Variants in IL7 observed in about 807,000 individuals in gnomAD.
IL7 encodes the protein interleukin-7.
In IL7, 3 loss-of-function variants were observed where a neutral mutation model predicts 21.6. The ratio of observed to expected loss-of-function variants is 0.14; its 90% CI spans 0.06 to 0.36. The LOEUF (loss-of-function observed/expected upper bound fraction) is 0.36, where lower values mean the gene tolerates loss of function less well. Among genes scored for constraint, IL7 ranks in the 10% least tolerant of loss-of-function variants. The pLI is 1.00. For synonymous variants in IL7, 62 were observed against 68.1 expected, an observed-to-expected ratio of 0.91 and a Z score of 0.44; for missense variants, 175 against 200.2, an observed-to-expected ratio of 0.87 and a Z score of 0.76.
intron 4 of IL7, among the ~76,000 whole-genome samples, chr8:78,682,481 C>T (rs564658696): frequency 6.6e-6 from 1 of 152,100 alleles, no homozygotes; most frequent in Non-Finnish European, 1.5e-5. Flanking sequence ...GGGAACTTCC[C>T]TTTTTAATAA....
intron 4 of IL7, among the ~76,000 whole-genome samples, chr8:78,677,543 T>A (rs1199899139): frequency 2.0e-5 from 3 of 152,180 alleles, no homozygotes; most frequent in African/African-American, 7.2e-5. Flanking sequence ...ATGTTAACTT[T>A]AGTAATCCAA....
At chr8:78,680,822 A>G (rs894359578) in intron 4 of IL7, among the ~76,000 whole-genome samples, 2 of 152,148 alleles carry the variant, frequency 1.3e-5, no homozygotes, top group African/African-American at 4.8e-5. Flanking sequence ...GATTCCTTAA[A>G]GGTGAGAGAT....
chr8:78,760,437 C>T (rs1812513145), intron 2 of IL7: 2 of 1,584,010 alleles, frequency 1.3e-6, no homozygotes, highest in Non-Finnish European at 1.7e-6. Flanking sequence ...TGGAGGGCTT[C>T]ATAGATGGTG....
chr8:78,701,911 T>A (rs187677209), intron 3 of IL7, among the ~76,000 whole-genome samples: 2 of 152,340 alleles, frequency 1.3e-5, no homozygotes, highest in East Asian at 3.9e-4. Context: ...TTGATGTTTA[T>A]CAAGGTTATT....
chr8:78,703,116 C>G (rs1351155688), intron 3 of IL7, among the ~76,000 whole-genome samples: 2 of 152,098 alleles, frequency 1.3e-5, no homozygotes, highest in Non-Finnish European at 2.9e-5. Context: ...AGGCCAGTCT[C>G]AAACCCCTAA....
chr8:78,782,088 A>G (rs1024986354), intron 2 of IL7, among the ~76,000 whole-genome samples: 2 of 152,062 alleles, frequency 1.3e-5, no homozygotes, highest in Non-Finnish European at 2.9e-5. Context: ...TTCTCTCTAA[A>G]CATTATTCTG....
intron 2 of IL7, among the ~76,000 whole-genome samples, chr8:78,785,813 C>A (rs1813492086): frequency 6.6e-6 from 1 of 152,172 alleles, no homozygotes; most frequent in Admixed American, 6.5e-5. Context: ...TCTCACTTAT[C>A]ACAGTCACTT....
At chr8:78,738,819 T>TGACA (rs1811681908) in intron 3 of IL7, among the ~76,000 whole-genome samples, 184 bp from the exon 4 acceptor site, 1 of 152,208 alleles carries the variant, frequency 6.6e-6, no homozygotes, top group Non-Finnish European at 1.5e-5. Context: ...GGCTCCTAGG[T>TGACA]GACAGCATGA....
At chr8:78,789,470 C>A (rs888808770) in intron 2 of IL7, among the ~76,000 whole-genome samples, 1 of 152,078 alleles carries the variant, frequency 6.6e-6, no homozygotes, top group African/African-American at 2.4e-5. Flanking sequence ...AGAATTTGAT[C>A]CTTCTTTGGC....
chr8:78,697,563 G>A lies in IL7; in HGVS notation n.215-11616C>T, dbSNP rs1213041054. 2.2e-6 allele frequency: 3 copies of A among 1,337,876 alleles called. No individual in the cohort carries two copies. In the Admixed American group the frequency reaches 5.9e-5, roughly 26 times the overall value. 82.9% of individuals were successfully genotyped at this position (1,337,876 alleles called of 1,614,324 possible). A position where few individuals can be genotyped will look rare whatever the true frequency, so the allele number is the denominator to read the frequency against. On this transcript the variant is annotated intron_variant and non_coding_transcript_variant, in intron 3 of 4. Transcript: ENST00000523959. ...TTTTGAAACCATGTTGGCAGAGCAG[G>A]AAATAAAGATAGTGGTCTATTCTGG...
At chr8:78,740,172 G>T in intron 2 of IL7, 90 bp from the exon 3 acceptor site, 2 of 748,116 alleles carry the variant, frequency 2.7e-6, no homozygotes, top group Non-Finnish European at 3.7e-6. Context: ...TATAATATCT[G>T]ATATTTATAT....
chr8:78,727,672 A>G (rs529016394), intron 3 of IL7, among the ~76,000 whole-genome samples: 3 of 152,158 alleles, frequency 2.0e-5, no homozygotes, highest in South Asian at 2.1e-4. Flanking sequence ...TAAGGAGGCA[A>G]TGGGTAATTT....
rs149113733 is a variant in IL7 at position 78,745,019 on chromosome 8, A to G, written c.148-4937T>C. The stretch of plus-strand genomic sequence containing the variant: ...GATTAGTCCCAGTGCGAGTACTTGG[A>G]TGTTTCAGTGGAAGGTGCTGTATTT... On this transcript the variant is annotated intron_variant, in intron 2 of 5. Transcript: ENST00000263851. 4.9e-3 allele frequency among the ~76,000 whole-genome samples: 748 copies of G among 152,200 alleles called. 5 individuals are homozygous for G. Among genetic ancestry groups the G allele is most frequent in the African/African-American group, 0.017 (713 of 41,518 alleles).
chr8:78,704,609 G>T (rs529055639), intron 3 of IL7, among the ~76,000 whole-genome samples: 2 of 152,128 alleles, frequency 1.3e-5, no homozygotes, highest in African/African-American at 4.8e-5. Flanking sequence ...TCTTACTGGG[G>T]TTCTCTACAT....
At position 78,798,068 on chromosome 8, in the gene IL7, A is replaced by G. The variant is rs761324599; in HGVS notation, c.147+4T>C. 5 of 1,596,622 alleles carry G rather than the reference A, an allele frequency of 3.1e-6. No homozygotes were observed. The highest frequency in any genetic ancestry group is 4.3e-6 in the Non-Finnish European group (5 of 1,170,140). On this transcript the variant is annotated splice_donor_region_variant and intron_variant, in intron 2 of 5. Coordinates refer to ENST00000263851, the MANE Select transcript of IL7 (RefSeq NM_000880.4). Reference sequence around the variant, plus strand: ...AATGTGAGTAAAACAAAATAATCACATACCAATAATTGATCGATGCTGACC... The same window carrying G: ...AATGTGAGTAAAACAAAATAATCACGTACCAATAATTGATCGATGCTGACC...
intron 3 of IL7, among the ~76,000 whole-genome samples, chr8:78,692,909 G>T (rs536181511): frequency 3.0e-4 from 45 of 152,180 alleles, no homozygotes; most frequent in Non-Finnish European, 5.9e-4. Flanking sequence ...AGGCCCTGGG[G>T]TGTGATGTTC....
Position 78,796,901 on chromosome 8 carries a change from G to T in IL7, c.147+1171C>A, listed in dbSNP as rs190343223. On this transcript the variant is annotated intron_variant, in intron 2 of 5. Transcript: ENST00000263851. ...ATATGATCCAGCAGTCATGCTTGTA[G>T]GTATTTACCTGAGTTGAAAACTTAT... 1.4e-4 allele frequency among the ~76,000 whole-genome samples: 22 copies of T among 152,012 alleles called. No homozygotes were observed. The East Asian group carries it at 4.1e-3, about 28-fold the overall frequency.
chr8:78,720,549 A>G (rs939922795), intron 5 of IL7, among the ~76,000 whole-genome samples: 2 of 151,852 alleles, frequency 1.3e-5, no homozygotes, highest in Non-Finnish European at 2.9e-5. Flanking sequence ...ATTACGGCCT[A>G]TTCTTTTTAA....
At chr8:78,704,481 G>A (rs1276322445) in intron 3 of IL7, among the ~76,000 whole-genome samples, 10 of 151,768 alleles carry the variant, frequency 6.6e-5, no homozygotes, top group Admixed American at 4.6e-4. Context: ...TAGTCTGATG[G>A]GCTTTCCTTT....
Sources: gnomAD v4.1 joint callset for allele counts (sites outside exome capture counted in the v4.1 genomes callset) on GRCh38, gnomAD v4.1.1 for gene constraint, MANE v1.5 for transcripts, NCBI Gene and HGNC (gene_info 2026-07-23, HGNC 2026-07-21) for gene names.